PI4KA: variants seen among roughly 807,000 people sequenced by gnomAD.
The protein encoded by PI4KA is PI4-kinase alpha.
PI4KA carries 122 observed loss-of-function variants against 271.4 expected under a neutral mutation model. The ratio of observed to expected loss-of-function variants is 0.45; its 90% CI spans 0.39 to 0.52. PI4KA has a LOEUF of 0.52. PI4KA is among the 20% of genes least tolerant of loss of function. The pLI, the probability that PI4KA is intolerant of heterozygous loss-of-function variation, is 0.00. For missense variants in PI4KA, 1,969 were observed against 2,769.1 expected, an observed-to-expected ratio of 0.71 and a Z score of 6.48; for synonymous variants, 1,041 against 1,078.8, an observed-to-expected ratio of 0.96 and a Z score of 0.69.
At chr22:20,775,835 A>G (rs1200801953) in intron 19 of PI4KA, among the ~76,000 whole-genome samples, 1 of 152,122 alleles carries the variant, frequency 6.6e-6, no homozygotes. Flanking sequence ...TGATAAGAGG[A>G]GGACACTTGA....
chr22:20,852,087 G>A (rs1426896499), intron 1 of PI4KA, among the ~76,000 whole-genome samples: 1 of 152,140 alleles, frequency 6.6e-6, no homozygotes. Flanking sequence ...TCACGCCACT[G>A]CACTCCAGCC....
At chr22:20,715,879 T>C (rs1222801495) in intron 45 of PI4KA, among the ~76,000 whole-genome samples, 4 of 152,118 alleles carry the variant, frequency 2.6e-5, no homozygotes, top group African/African-American at 9.7e-5. Context: ...CCTAATGTCA[T>C]GCCTTTTCTT....
chr22:20,823,813 C>T lies in PI4KA; in HGVS notation c.456+513G>A, dbSNP rs192448337. On this transcript the variant is annotated intron_variant, in intron 4 of 54. Coordinates refer to ENST00000255882, the MANE Select transcript of PI4KA (RefSeq NM_058004.4). ...ACAAATTAGCTGGCATGATGGTGCACGCCTATAGTCTCAGCTACTTGGGAG... is the reference window on the plus strand; with the variant it reads ...ACAAATTAGCTGGCATGATGGTGCATGCCTATAGTCTCAGCTACTTGGGAG... 2.0e-5 allele frequency among the ~76,000 whole-genome samples: 3 copies of T among 152,152 alleles called. No individual in the cohort carries two copies. In the East Asian group the frequency reaches 5.8e-4, roughly 29 times the overall value.
At chr22:20,766,340 G>A (rs1182087434) in intron 19 of PI4KA, among the ~76,000 whole-genome samples, 1 of 152,124 alleles carries the variant, frequency 6.6e-6, no homozygotes, top group African/African-American at 2.4e-5. Flanking sequence ...ATGCTGGGGG[G>A]AGGCAGGGAG....
At chr22:20,805,914 A>T (rs1935628658) in intron 10 of PI4KA, among the ~76,000 whole-genome samples, 1 of 151,948 alleles carries the variant, frequency 6.6e-6, no homozygotes, top group South Asian at 2.1e-4. Flanking sequence ...AATTATCTGG[A>T]TCTTCAGAGC....
At chr22:20,847,480 T>C (rs909829863) in intron 1 of PI4KA, among the ~76,000 whole-genome samples, 2 of 151,978 alleles carry the variant, frequency 1.3e-5, no homozygotes, top group African/African-American at 4.8e-5. Flanking sequence ...ATCTCAACAC[T>C]TTGGGAGGCT....
rs914463310 is a variant in PI4KA at position 20,808,246 on chromosome 22, C to A, written c.1072-788G>T. 2.0e-5 allele frequency among the ~76,000 whole-genome samples: 3 copies of A among 150,242 alleles called. No individual in the cohort carries two copies. In the Admixed American group the frequency reaches 2.0e-4, roughly 10 times the overall value. On this transcript the variant is annotated intron_variant, in intron 9 of 54. Transcript: ENST00000255882. The stretch of plus-strand genomic sequence containing the variant: ...CAGAGGTTGTGGTGAGCAGAGATCG[C>A]GCCATTGCACTCCAGCCTGGGCAAC...
chr22:20,726,429 A>T, intron 42 of PI4KA, 59 bp downstream of exon 42: 1 of 1,416,590 alleles, frequency 7.1e-7, no homozygotes, highest in Non-Finnish European at 9.3e-7. Flanking sequence ...GACCGGGCAC[A>T]AGCTGGTGTG....
chr22:20,826,121 T>A (rs1331966510), intron 3 of PI4KA, among the ~76,000 whole-genome samples: 1 of 152,032 alleles, frequency 6.6e-6, no homozygotes, highest in African/African-American at 2.4e-5. Context: ...GGCAGGCAAA[T>A]AACTTGAGGC....
At position 20,763,018 on chromosome 22, in the gene PI4KA, G is replaced by T. The variant is rs28607242; in HGVS notation, c.2709-1632C>A. Among the ~76,000 whole-genome samples the T allele has an allele frequency of 7.1e-3, 346 of 48,944 alleles. 9 individuals carry two copies. The highest frequency in any genetic ancestry group is 0.017 in the East Asian group (17 of 998). The allele number at this position is 48,944 out of a possible 152,430, so 32.1% of individuals were successfully genotyped here. On this transcript the variant is annotated intron_variant, in intron 22 of 54. Coordinates refer to ENST00000255882, the MANE Select transcript of PI4KA (RefSeq NM_058004.4). ...GCTAGGTTTTTTTGCTTTTTTTTTT[G>T]GGGGGGGGGGGGGTTAGAGACAAGT... is the stretch of plus-strand genomic sequence containing the variant.
At chr22:20,821,589 TTTTGTTTG>T (rs361536) in intron 4 of PI4KA, among the ~76,000 whole-genome samples, 2 of 150,508 alleles carry the variant, frequency 1.3e-5, no homozygotes, top group Admixed American at 6.6e-5. Context: ...ATCCCAGCAC[TTTTGTTTG>T]TTTGTTTGTT....
intron 1 of PI4KA, among the ~76,000 whole-genome samples, chr22:20,853,744 C>A (rs1927268762): frequency 6.6e-6 from 1 of 151,986 alleles, no homozygotes; most frequent in East Asian, 1.9e-4. Flanking sequence ...GGGAACATGG[C>A]AGGAGTCTAG....
chr22:20,730,716 C>T (rs1241035472), intron 36 of PI4KA, among the ~76,000 whole-genome samples: 1 of 151,934 alleles, frequency 6.6e-6, no homozygotes, highest in African/African-American at 2.4e-5. Context: ...ACTACAGACG[C>T]CCACCACCAT....
At chr22:20,853,571 G>A (rs1290112769) in intron 1 of PI4KA, among the ~76,000 whole-genome samples, 1 of 152,202 alleles carries the variant, frequency 6.6e-6, no homozygotes, top group Non-Finnish European at 1.5e-5. Flanking sequence ...GAGGGCTGAG[G>A]ACTGGGTAGG....
At chr22:20,784,126 A>C in intron 19 of PI4KA, 1 of 1,614,190 alleles carries the variant, frequency 6.2e-7, no homozygotes, top group Non-Finnish European at 8.5e-7. Flanking sequence ...TCCAGCTGGA[A>C]TACGTGGGGG....
At chr22:20,830,181 G>A (rs1225021197) in intron 3 of PI4KA, among the ~76,000 whole-genome samples, 3 of 152,286 alleles carry the variant, frequency 2.0e-5, no homozygotes, top group Non-Finnish European at 4.4e-5. Context: ...TTTAAATCCT[G>A]AATATCTTTA....
At chr22:20,829,369 T>C (rs1290022755) in intron 3 of PI4KA, among the ~76,000 whole-genome samples, 1 of 152,146 alleles carries the variant, frequency 6.6e-6, no homozygotes, top group Non-Finnish European at 1.5e-5. Context: ...CAATTTCTTC[T>C]GGGTTTAGTC....
intron 19 of PI4KA, chr22:20,779,413 C>G (rs759361159): frequency 6.2e-7 from 1 of 1,614,236 alleles, no homozygotes; most frequent in South Asian, 1.1e-5. Flanking sequence ...GGAGGGGAAA[C>G]TGCTCAGTCT....
chr22:20,814,371 C>T (rs889970449), intron 7 of PI4KA, among the ~76,000 whole-genome samples: 6 of 152,020 alleles, frequency 3.9e-5, no homozygotes, highest in Admixed American at 6.6e-5. Flanking sequence ...TTCAGTTTCA[C>T]GAGATGAAAA....
Sources: gnomAD v4.1 joint callset for allele counts (sites outside exome capture counted in the v4.1 genomes callset) on GRCh38, gnomAD v4.1.1 for gene constraint, MANE v1.5 for transcripts, NCBI Gene and HGNC (gene_info 2026-07-23, HGNC 2026-07-21) for gene names.